PEX5L: variants seen among roughly 807,000 people sequenced by gnomAD.
The protein encoded by PEX5L is PEX5-related protein.
In PEX5L, 30 loss-of-function variants were observed where a neutral mutation model predicts 84.0. That is an observed-to-expected ratio of 0.36 (90% confidence interval 0.27 to 0.48). The LOEUF is 0.48. Among genes scored for constraint, PEX5L ranks in the 20% least tolerant of loss-of-function variants. PEX5L has a pLI of 0.99. For synonymous variants in PEX5L, 270 were observed against 283.1 expected, an observed-to-expected ratio of 0.95 and a Z score of 0.46; for missense variants, 533 against 754.6, an observed-to-expected ratio of 0.71 and a Z score of 3.44.
intron 8 of PEX5L, among the ~76,000 whole-genome samples, chr3:179,855,411 CTT>C (rs1743553063): frequency 1.3e-5 from 2 of 152,254 alleles, no homozygotes; most frequent in South Asian, 4.2e-4. Flanking sequence ...ACTTTTAGTC[CTT>C]TTAAGAATCT....
intron 1 of PEX5L, among the ~76,000 whole-genome samples, chr3:179,976,524 G>A (rs185170689): frequency 3.0e-4 from 45 of 152,184 alleles, no homozygotes; most frequent in South Asian, 6.2e-4. Flanking sequence ...TGCAACTTCC[G>A]CCTCCTGGGT....
intron 7 of PEX5L, among the ~76,000 whole-genome samples, chr3:179,862,080 G>GCT (rs1746383061): frequency 6.6e-6 from 1 of 152,198 alleles, no homozygotes; most frequent in Non-Finnish European, 1.5e-5. Flanking sequence ...CCCTCTGAAG[G>GCT]CTCTGGGGGA....
chr3:179,847,121 C>T (rs55804564), intron 8 of PEX5L, among the ~76,000 whole-genome samples: 38,297 of 149,898 alleles, frequency 0.26, 5,911 homozygotes, highest in East Asian at 0.72. Flanking sequence ...CCACCCCACC[C>T]AACCAATAGG....
At chr3:179,816,819 T>C (rs1726303230) in intron 9 of PEX5L, among the ~76,000 whole-genome samples, 1 of 152,150 alleles carries the variant, frequency 6.6e-6, no homozygotes, top group South Asian at 2.1e-4. Flanking sequence ...TTATTATGAA[T>C]ATAGTACATT....
intron 4 of PEX5L, among the ~76,000 whole-genome samples, chr3:179,884,136 A>G (rs1368758700): frequency 1.3e-5 from 2 of 152,198 alleles, no homozygotes; most frequent in African/African-American, 4.8e-5. Flanking sequence ...TAACTTGTCC[A>G]AAATCACACA....
intron 2 of PEX5L, among the ~76,000 whole-genome samples, chr3:179,955,275 T>C (rs1179100750): frequency 1.3e-5 from 2 of 152,172 alleles, no homozygotes; most frequent in Non-Finnish European, 2.9e-5. Context: ...CTGAAATAAT[T>C]GTTCCAAAGA....
chr3:180,034,478 G>A (rs1791720611), intron 1 of PEX5L, among the ~76,000 whole-genome samples: 1 of 152,054 alleles, frequency 6.6e-6, no homozygotes, highest in Non-Finnish European at 1.5e-5. Context: ...TTGTCCATAG[G>A]CTAAATAATA....
At chr3:179,931,663 A>C (rs1255443626) in intron 2 of PEX5L, among the ~76,000 whole-genome samples, 1 of 152,082 alleles carries the variant, frequency 6.6e-6, no homozygotes, top group Non-Finnish European at 1.5e-5. Flanking sequence ...TTTTCTAAAG[A>C]GGTTCAAAGA....
chr3:179,967,262 G>C (rs1783577460), intron 2 of PEX5L, among the ~76,000 whole-genome samples: 1 of 152,126 alleles, frequency 6.6e-6, no homozygotes, highest in Admixed American at 6.6e-5. Flanking sequence ...AGGGAGAGCT[G>C]GCTTCTAGGG....
At chr3:179,880,460 T>C (rs1338403588) in intron 4 of PEX5L, among the ~76,000 whole-genome samples, 1 of 152,238 alleles carries the variant, frequency 6.6e-6, no homozygotes, top group Non-Finnish European at 1.5e-5. Context: ...TTATTTTAGA[T>C]TGCAATTTCC....
intron 14 of PEX5L, 150 bp from the exon 15 acceptor site, chr3:179,802,182 T>TA: frequency 1.6e-6 from 1 of 639,384 alleles, no homozygotes; most frequent in South Asian, 1.9e-5. Context: ...AACAACTTTC[T>TA]AATTCTCTTA....
chr3:179,819,817 G>A (rs1223360429), intron 9 of PEX5L, 43 bp downstream of exon 9: 1 of 1,543,560 alleles, frequency 6.5e-7, no homozygotes, highest in Non-Finnish European at 8.9e-7. Context: ...ATCCAAAAAG[G>A]TGGAGAAAAG....
intron 8 of PEX5L, among the ~76,000 whole-genome samples, chr3:179,843,152 C>T (rs1333664345): frequency 1.3e-5 from 2 of 152,154 alleles, no homozygotes; most frequent in Non-Finnish European, 2.9e-5. Context: ...AGAACTGATA[C>T]TCAGGGCTGG....
intron 3 of PEX5L, among the ~76,000 whole-genome samples, chr3:179,890,676 AAAAC>A (rs1038254471): frequency 1.3e-5 from 2 of 152,290 alleles, no homozygotes; most frequent in South Asian, 2.1e-4. Context: ...CCTTAGTAAA[AAAAC>A]AAACAAACAA....
intron 8 of PEX5L, among the ~76,000 whole-genome samples, chr3:179,842,649 A>C (rs1737719881): frequency 6.6e-6 from 1 of 152,158 alleles, no homozygotes. Context: ...GTTAACTTCA[A>C]CGAATATACT....
At chr3:180,003,100 C>T (rs1027829675) in intron 1 of PEX5L, among the ~76,000 whole-genome samples, 22 of 152,122 alleles carry the variant, frequency 1.4e-4, no homozygotes, top group African/African-American at 5.3e-4. Flanking sequence ...TAAACTGACA[C>T]AAATCAGGTG....
At chr3:179,911,872 A>T (rs79248311) in intron 2 of PEX5L, among the ~76,000 whole-genome samples, 1,942 of 152,284 alleles carry the variant, frequency 0.013, 43 homozygotes, top group African/African-American at 0.044. Flanking sequence ...AACAAAAAAG[A>T]TGACTTTCAA....
At chr3:180,031,058 A>G (rs1419891205) in intron 1 of PEX5L, among the ~76,000 whole-genome samples, 1 of 151,300 alleles carries the variant, frequency 6.6e-6, no homozygotes, top group Admixed American at 6.6e-5. Context: ...GAAATCTTAC[A>G]TGGAGTATGA....
At chr3:179,916,000 A>G (rs1380890387) in intron 2 of PEX5L, among the ~76,000 whole-genome samples, 1 of 152,248 alleles carries the variant, frequency 6.6e-6, no homozygotes, top group Non-Finnish European at 1.5e-5. Context: ...AGATACTTGA[A>G]GCTCAGAGAG....
Sources: gnomAD v4.1 joint callset for allele counts (sites outside exome capture counted in the v4.1 genomes callset) on GRCh38, gnomAD v4.1.1 for gene constraint, MANE v1.5 for transcripts, NCBI Gene and HGNC (gene_info 2026-07-23, HGNC 2026-07-21) for gene names.